Variants in C6orf52 observed in about 807,000 individuals in gnomAD.
C6orf52 encodes putative uncharacterized protein C6orf52.
In C6orf52, 16 loss-of-function variants were observed where a neutral mutation model predicts 16.6. The ratio of observed to expected loss-of-function variants is 0.96; its 90% CI spans 0.65 to 1.46. The LOEUF (loss-of-function observed/expected upper bound fraction) is 1.46. Among genes scored for constraint, C6orf52 ranks in the 40% most tolerant of loss-of-function variants. The pLI, the probability that C6orf52 is intolerant of heterozygous loss-of-function variation, is 0.00. For missense variants in C6orf52, 166 were observed against 182.3 expected (o/e 0.91, Z 0.52); for synonymous variants, 53 against 61.4 (o/e 0.86, Z 0.64).
At chr6:10,672,890 G>A (rs371738557) in intron 4 of C6orf52, among the ~76,000 whole-genome samples, 2 of 152,158 alleles carry the variant, frequency 1.3e-5, no homozygotes, top group Non-Finnish European at 2.9e-5. Flanking sequence ...AGTAGCCCTA[G>A]AAGACTAATG....
intron 1 of C6orf52, among the ~76,000 whole-genome samples, chr6:10,690,068 C>T (rs550318981): frequency 2.9e-4 from 44 of 152,000 alleles, no homozygotes; most frequent in Non-Finnish European, 5.4e-4. Context: ...TGGAAAGCAA[C>T]GTGGAAGTTG....
chr6:10,676,933 C>T lies in C6orf52; in HGVS notation c.317-5335G>A, dbSNP rs191643928. 5.3e-5 allele frequency among the ~76,000 whole-genome samples: 8 copies of T among 152,356 alleles called. No individual in the cohort carries two copies. The East Asian group carries it at 1.5e-3, about 29-fold the overall frequency. On this transcript the variant is annotated intron_variant, in intron 4 of 4. Transcript: ENST00000259983. ...GAAGATGCCTCTTCATAATCACTTG[C>T]ATAGCGTGCAAATATTTTCTCCCAC... is the stretch of plus-strand genomic sequence containing the variant.
intron 4 of C6orf52, chr6:10,672,698 C>T: frequency 1.6e-6 from 1 of 622,450 alleles, no homozygotes; most frequent in Non-Finnish European, 2.9e-6. Context: ...ACATTCTCTC[C>T]TACAATGCAT....
intron 1 of C6orf52, 112 bp from the exon 2 acceptor site, chr6:10,687,673 T>C: frequency 1.0e-5 from 7 of 696,912 alleles, no homozygotes; most frequent in Non-Finnish European, 1.8e-5. Flanking sequence ...TCTGAGATAA[T>C]TACATTTAGT....
rs1004596639 is a variant in C6orf52 at position 10,684,800 on chromosome 6, G to A, written c.271-1568C>T. On this transcript the variant is annotated intron_variant, in intron 3 of 4. Coordinates refer to ENST00000259983, the MANE Select transcript of C6orf52 (RefSeq NM_001145020.3). ...GGCAAGGACACACGTTATTGGAGAA[G>A]ACCAAAATGGGGATGTGGGAGTAAA... is the stretch of plus-strand genomic sequence containing the variant. 8 of 1,170,848 alleles carry A rather than the reference G, an allele frequency of 6.8e-6. No homozygotes were observed. In the African/African-American group the frequency reaches 1.1e-4, roughly 16 times the overall value. The allele number at this position is 1,170,848 out of a possible 1,614,324, so 72.5% of individuals were successfully genotyped here.
intron 1 of C6orf52, 72 bp from the exon 2 acceptor site, chr6:10,687,633 C>T (rs1768973257): frequency 2.4e-6 from 2 of 847,030 alleles, no homozygotes; most frequent in Non-Finnish European, 3.9e-6. Flanking sequence ...TGAAACCTCT[C>T]AATCCTGACA....
At chr6:10,678,268 T>C (rs922817353) in intron 4 of C6orf52, among the ~76,000 whole-genome samples, 1 of 151,980 alleles carries the variant, frequency 6.6e-6, no homozygotes, top group African/African-American at 2.4e-5. Flanking sequence ...TTTAATAATA[T>C]TCATTGTTTT....
intron 3 of C6orf52, among the ~76,000 whole-genome samples, chr6:10,686,181 C>G (rs1424358664): frequency 6.6e-6 from 1 of 152,190 alleles, no homozygotes; most frequent in Non-Finnish European, 1.5e-5. Flanking sequence ...CATGTGTGAG[C>G]CATCTTGCCC....
At chr6:10,688,164 A>G (rs1561880261) in intron 1 of C6orf52, among the ~76,000 whole-genome samples, 1 of 152,104 alleles carries the variant, frequency 6.6e-6, no homozygotes, top group Non-Finnish European at 1.5e-5. Flanking sequence ...ATGAGAGTAC[A>G]GGATACAATT....
At chr6:10,694,370 GC>G (rs1162917581) in intron 1 of C6orf52, 123 bp downstream of exon 1, 1 of 153,204 alleles carries the variant, frequency 6.5e-6, no homozygotes, top group Non-Finnish European at 1.5e-5. Flanking sequence ...AGTGTGCAGG[GC>G]TGGGGTTCTG....
chr6:10,674,575 T>C (rs1043029972), intron 4 of C6orf52: 14 of 152,008 alleles, frequency 9.2e-5, no homozygotes, highest in South Asian at 2.1e-4. Context: ...CTACCTCACA[T>C]AGTTATCATT....
intron 2 of C6orf52, 40 bp downstream of exon 2, chr6:10,687,440 G>A: frequency 7.3e-7 from 1 of 1,378,774 alleles, no homozygotes; most frequent in Non-Finnish European, 1.0e-6. Context: ...AAATAGAACA[G>A]TAACAGCTTT....
intron 1 of C6orf52, among the ~76,000 whole-genome samples, chr6:10,693,613 C>T (rs1343775061): frequency 1.3e-5 from 2 of 152,236 alleles, no homozygotes; most frequent in African/African-American, 2.4e-5. Flanking sequence ...ATCTTGTTTA[C>T]CAAATGACCT....
chr6:10,681,491 C>G (rs564987878), intron 4 of C6orf52, among the ~76,000 whole-genome samples: 1 of 152,114 alleles, frequency 6.6e-6, no homozygotes, highest in African/African-American at 2.4e-5. Context: ...TGTTCTTGTT[C>G]TTCTAGCTCC....
intron 4 of C6orf52, among the ~76,000 whole-genome samples, chr6:10,671,821 A>G (rs1213179184): frequency 6.6e-6 from 1 of 152,222 alleles, no homozygotes; most frequent in Admixed American, 6.5e-5. Flanking sequence ...TCCAGCTGAC[A>G]GAAGAGATGG....
intron 1 of C6orf52, among the ~76,000 whole-genome samples, chr6:10,693,418 G>A (rs1260598917): frequency 6.6e-6 from 1 of 152,186 alleles, no homozygotes; most frequent in African/African-American, 2.4e-5. Flanking sequence ...TTTCTGCACT[G>A]CAGTGACAAC....
chr6:10,671,630 T>G (rs768415908), intron 4 of C6orf52, 32 bp from the exon 5 acceptor site: 1 of 1,468,624 alleles, frequency 6.8e-7, no homozygotes. Flanking sequence ...ATGAAAAAAA[T>G]AGAGTTTTAC....
rs377226767 is a variant in C6orf52 at position 10,694,587 on chromosome 6, C to T, written c.-105G>A. 13 of 170,674 alleles carry T rather than the reference C, an allele frequency of 7.6e-5. No homozygotes were observed. The highest frequency in any genetic ancestry group is 1.2e-4 in the African/African-American group (5 of 42,076). The allele number at this position is 170,674 out of a possible 1,614,324, so 10.6% of individuals were successfully genotyped here. On this transcript the variant is annotated 5_prime_UTR_variant, in exon 1 of 5. Coordinates refer to ENST00000259983, the MANE Select transcript of C6orf52 (RefSeq NM_001145020.3). ...CCCACAACAATGCACGCTGCCGGCG[C>T]TACAGCCCCTAAGCAACCGGCCGGA...
At chr6:10,686,940 A>C in intron 3 of C6orf52, 26 bp downstream of exon 3, 1 of 1,479,544 alleles carries the variant, frequency 6.8e-7, no homozygotes, top group Non-Finnish European at 9.1e-7. Context: ...CACGAATGAC[A>C]CAAGATTCAT....
Sources: allele counts gnomAD v4.1 joint callset (sites outside exome capture counted in the v4.1 genomes callset), GRCh38; gene constraint gnomAD v4.1.1; transcripts MANE v1.5; gene names NCBI Gene and HGNC (gene_info 2026-07-23, HGNC 2026-07-21).